The following CHD9 variants were observed in gnomAD, a reference collection of about 807,000 sequenced individuals.
CHD9 encodes the protein chromodomain helicase DNA binding protein 9, also known as ATP-dependent chromatin remodeler CHD9.
In CHD9, 77 loss-of-function variants were observed where a neutral mutation model predicts 316.1. That is an observed-to-expected ratio of 0.24 (90% confidence interval 0.20 to 0.29). The LOEUF is 0.29. Ranked by LOEUF, CHD9 falls within the 10% of genes least tolerant of loss-of-function variation. CHD9 has a pLI of 1.00. For missense variants in CHD9, 2,763 were observed against 3,438.1 expected, an observed-to-expected ratio of 0.80 and a Z score of 4.91; for synonymous variants, 1,129 against 1,158.3, an observed-to-expected ratio of 0.97 and a Z score of 0.51.
chr16:53,322,341 C>T (rs2057331664), intron 38 of CHD9, among the ~76,000 whole-genome samples: 1 of 151,654 alleles, frequency 6.6e-6, no homozygotes. Context: ...AGTGCAGTGG[C>T]TCACCCCTGT....
At chr16:53,232,145 G>A (rs369972271) in intron 10 of CHD9, among the ~76,000 whole-genome samples, 8 of 152,126 alleles carry the variant, frequency 5.3e-5, no homozygotes, top group African/African-American at 1.2e-4. Context: ...AGTAATGTCC[G>A]TAGGCTGTTA....
intron 2 of CHD9, among the ~76,000 whole-genome samples, chr16:53,170,349 C>T (rs1227996012): frequency 6.6e-6 from 1 of 152,084 alleles, no homozygotes; most frequent in Non-Finnish European, 1.5e-5. Context: ...AAATCAATGT[C>T]GTAACCGATT....
rs200901563 is a variant in CHD9, at chr16:53,303,825, G to C, written c.5819G>C (p.Arg1940Pro). The change falls in exon 31 of 39, where the codon CGA becomes CCA. Residue 1940 changes from arginine to proline, a missense_variant. Arg to Pro is a moderately radical substitution (Grantham distance 103). Transcript: ENST00000447540. The stretch of plus-strand genomic sequence containing the variant: ...AGGAAAGTACGGGAACAGGCCCTTC[G>C]ACATCCACAGTTGTTTGAACGCTTG... The part of the protein sequence containing the change: ...LLRKVREQAL[R>P]HPQLFERLKL... 3.7e-6 allele frequency: 6 copies of C among 1,613,948 alleles called. No homozygotes were observed. The highest frequency in any genetic ancestry group is 5.1e-6 in the Non-Finnish European group (6 of 1,179,892).
chr16:53,299,800 C>T (rs892829617), intron 30 of CHD9: 7 of 165,478 alleles, frequency 4.2e-5, no homozygotes, highest in African/African-American at 1.7e-4. Flanking sequence ...ACATTTGGTC[C>T]TGGGCTTCCC....
At chr16:53,089,515 G>A (rs2035756774) in intron 1 of CHD9, among the ~76,000 whole-genome samples, 1 of 152,148 alleles carries the variant, frequency 6.6e-6, no homozygotes, top group African/African-American at 2.4e-5. Flanking sequence ...CAGGAGTACA[G>A]GTATTGTCTT....
intron 1 of CHD9, among the ~76,000 whole-genome samples, chr16:53,139,079 A>G (rs1437999924): frequency 6.6e-6 from 1 of 152,112 alleles, no homozygotes; most frequent in Non-Finnish European, 1.5e-5. Flanking sequence ...GAAAAGAGCC[A>G]TGTTTTCTTC....
intron 1 of CHD9, among the ~76,000 whole-genome samples, chr16:53,116,542 C>A (rs900399047): frequency 6.6e-6 from 1 of 152,124 alleles, no homozygotes; most frequent in Non-Finnish European, 1.5e-5. Flanking sequence ...CAGTCCCAGT[C>A]AAAATGGCGA....
chr16:53,064,979 A>AAG (rs554306872), intron 1 of CHD9, among the ~76,000 whole-genome samples: 71 of 151,446 alleles, frequency 4.7e-4, no homozygotes, highest in East Asian at 3.3e-3. Flanking sequence ...GAAAGAAAGA[A>AAG]AGAGAGAGAG....
rs1282902739 is a variant in CHD9 at position 53,286,241 on chromosome 16, A to G, written c.5087A>G (p.Asn1696Ser). ...ATGTTTTCAGGATATGAAAAATATA[A>G]CACTATTCGAGCAGACCCAGCATTA... ...GVFKHGYEKYNTIRADPALCF... is the reference protein window; with the variant it reads ...GVFKHGYEKYSTIRADPALCF... Residue 1696 changes from asparagine (N) to serine (S), a missense_variant, in exon 26 of 39, where the codon AAC (asparagine) becomes AGC (serine). By Grantham distance (46) the Asn-to-Ser change is conservative. Around this residue, in one of 15 missense-constraint regions of CHD9, gnomAD observed 5 missense variants for 26.6 expected, o/e 0.19. Transcript: ENST00000447540. 1 of 1,605,834 alleles carries G rather than the reference A, an allele frequency of 6.2e-7. No homozygotes were observed. The highest frequency in any genetic ancestry group is 8.5e-7 in the Non-Finnish European group (1 of 1,173,104).
intron 24 of CHD9, among the ~76,000 whole-genome samples, chr16:53,285,286 TTCCAATAG>T (rs1402768191): frequency 2.0e-5 from 3 of 152,194 alleles, no homozygotes; most frequent in Non-Finnish European, 4.4e-5. Context: ...TAGTCTCTAC[TTCCAATAG>T]AACCCTTTGT....
intron 2 of CHD9, among the ~76,000 whole-genome samples, chr16:53,187,624 A>G (rs2044139545): frequency 6.6e-6 from 1 of 152,306 alleles, no homozygotes; most frequent in South Asian, 2.1e-4. Context: ...AGATAATCAG[A>G]TTTAAGACTT....
intron 2 of CHD9, among the ~76,000 whole-genome samples, chr16:53,167,719 C>CATATATACA (rs2042371242): frequency 6.8e-6 from 1 of 147,326 alleles, no homozygotes; most frequent in Non-Finnish European, 1.5e-5. Context: ...TCATATATAG[C>CATATATACA]TATCTAAGGT....
intron 2 of CHD9, chr16:53,168,534 G>C (rs987308635): frequency 6.6e-6 from 1 of 152,128 alleles, no homozygotes; most frequent in Non-Finnish European, 1.5e-5. Flanking sequence ...TAATGGTTTA[G>C]TAGAAACTTG....
At chr16:53,317,177 A>AAAG (rs1555550355) in intron 36 of CHD9, among the ~76,000 whole-genome samples, 5 of 151,688 alleles carry the variant, frequency 3.3e-5, no homozygotes, top group Non-Finnish European at 7.4e-5. Flanking sequence ...AAAAAAAAAA[A>AAAG]AAAAGAAAAG....
At chr16:53,293,277 A>G (rs1359946577) in intron 29 of CHD9, among the ~76,000 whole-genome samples, 1 of 152,174 alleles carries the variant, frequency 6.6e-6, no homozygotes, top group Non-Finnish European at 1.5e-5. Context: ...ACCATACTGT[A>G]ATCATTTTTT....
intron 2 of CHD9, among the ~76,000 whole-genome samples, chr16:53,187,407 G>A (rs1215951449): frequency 6.6e-6 from 1 of 152,146 alleles, no homozygotes; most frequent in African/African-American, 2.4e-5. Context: ...GCAGGAGGCT[G>A]AGGTGAGATG....
chr16:53,242,517 T>C (rs2049191789), intron 12 of CHD9, among the ~76,000 whole-genome samples: 1 of 152,156 alleles, frequency 6.6e-6, no homozygotes, highest in Admixed American at 6.5e-5. Context: ...TGAAATCTCA[T>C]TGGCCAGATT....
intron 30 of CHD9, among the ~76,000 whole-genome samples, chr16:53,303,067 C>G (rs2055591024): frequency 6.6e-6 from 1 of 152,174 alleles, no homozygotes; most frequent in African/African-American, 2.4e-5. Flanking sequence ...TTGAGATATG[C>G]CAGCTTACAT....
At chr16:53,308,609 T>G in intron 33 of CHD9, 77 bp from the exon 34 acceptor site, 1 of 1,043,656 alleles carries the variant, frequency 9.6e-7, no homozygotes, top group Non-Finnish European at 1.4e-6. Flanking sequence ...TTTTCCTCAG[T>G]AAAAAAATTC....
Sources: allele counts gnomAD v4.1 joint callset (sites outside exome capture counted in the v4.1 genomes callset), GRCh38; gene constraint gnomAD v4.1.1; regional missense constraint gnomAD v4.1.1; transcripts MANE v1.5; gene names NCBI Gene and HGNC (gene_info 2026-07-23, HGNC 2026-07-21).